Variants in PRELID2 observed in about 807,000 individuals in gnomAD.
The protein encoded by PRELID2 is PRELI domain containing 2, also known as PRELI domain-containing protein 2.
In PRELID2, 25 loss-of-function variants were observed where a neutral mutation model predicts 28.4. That is an observed-to-expected ratio of 0.88 (90% CI 0.64 to 1.23). The LOEUF (loss-of-function observed/expected upper bound fraction) is 1.23. Ranked by LOEUF, PRELID2 falls within the 50% of genes most tolerant of loss-of-function variation. PRELID2 has a pLI of 0.00. For synonymous variants in PRELID2, 76 were observed against 71.6 expected, an observed-to-expected ratio of 1.06 and a Z score of -0.31; for missense variants, 201 against 214.4, an observed-to-expected ratio of 0.94 and a Z score of 0.39.
At chr5:145,237,689 A>G in the PRELID2 span, among the ~76,000 whole-genome samples, 2 of 151,940 alleles carry the variant, frequency 1.3e-5, no homozygotes, top group Non-Finnish European at 2.9e-5. Context: ...ATTCCCTCTC[A>G]CAGGACTCTC....
the PRELID2 span, among the ~76,000 whole-genome samples, chr5:145,438,652 A>G: frequency 6.6e-6 from 1 of 152,172 alleles, no homozygotes; most frequent in African/African-American, 2.4e-5. Flanking sequence ...TAAATAGCAC[A>G]AACTTTTCTG....
the PRELID2 span, among the ~76,000 whole-genome samples, chr5:145,251,710 G>T: frequency 6.6e-6 from 1 of 152,030 alleles, no homozygotes; most frequent in South Asian, 2.1e-4. Flanking sequence ...TCCTAGTTTT[G>T]GTTATGGACA....
At chr5:145,566,238 A>C (rs747803440) in intron 1 of PRELID2, among the ~76,000 whole-genome samples, 11 of 152,248 alleles carry the variant, frequency 7.2e-5, no homozygotes, top group Non-Finnish European at 1.0e-4. Context: ...GATACAGAGG[A>C]CTGTATAACT....
chr5:145,808,094 G>A (rs1469755041), intron 4 of PRELID2, among the ~76,000 whole-genome samples: 2 of 152,062 alleles, frequency 1.3e-5, no homozygotes, highest in Non-Finnish European at 2.9e-5. Context: ...TTATCCACTG[G>A]TGCACTGGAA....
At chr5:145,825,225 C>CAAAAAAAAAAAAAAAA (rs56818178) in intron 1 of PRELID2, among the ~76,000 whole-genome samples, 1 of 60,428 alleles carries the variant, frequency 1.7e-5, no homozygotes, top group African/African-American at 5.4e-5. Context: ...GACTCTGTCT[C>CAAAAAAAAAAAAAAAA]AAAAAAAAAA....
chr5:145,361,755 C>T, the PRELID2 span, among the ~76,000 whole-genome samples: 4 of 152,190 alleles, frequency 2.6e-5, no homozygotes, highest in Non-Finnish European at 5.9e-5. Flanking sequence ...CTGAACCACA[C>T]CTAGCCTTCT....
the PRELID2 span, among the ~76,000 whole-genome samples, chr5:145,357,009 C>A: frequency 6.6e-6 from 1 of 152,208 alleles, no homozygotes; most frequent in African/African-American, 2.4e-5. Context: ...TTTAGTTTGG[C>A]TGTATATAAA....
At chr5:145,811,809 C>A (rs1753963045) in intron 4 of PRELID2, among the ~76,000 whole-genome samples, 2 of 152,180 alleles carry the variant, frequency 1.3e-5, no homozygotes, top group Admixed American at 1.3e-4. Context: ...GAGGCCTGAT[C>A]ACTGGTACAG....
intron 1 of PRELID2, among the ~76,000 whole-genome samples, chr5:145,723,187 C>T (rs181778070): frequency 3.0e-4 from 46 of 152,126 alleles, no homozygotes; most frequent in African/African-American, 1.1e-3. Flanking sequence ...GAAAATAATA[C>T]ATAATGACCA....
chr5:145,416,358 C>T, the PRELID2 span, among the ~76,000 whole-genome samples: 1 of 151,948 alleles, frequency 6.6e-6, no homozygotes, highest in Non-Finnish European at 1.5e-5. Flanking sequence ...TAGGCACGGG[C>T]AAGGACTTCA....
In PRELID2 at chr5:145,725,069, CTGTT is replaced by C. The variant is rs1756107408; in HGVS notation, n.70+39858_70+39861del. On this transcript the variant is annotated intron_variant and non_coding_transcript_variant, in intron 1 of 2. Coordinates refer to the PRELID2 transcript ENST00000510259. ...ACAAATACTTTTTAAATGTGGATCT[CTGTT>C]TGACAATAATATGAACAAAGTAAAG... is the stretch of plus-strand genomic sequence containing the variant. Among the ~76,000 whole-genome samples, 2 of 151,996 alleles carry C rather than the reference CTGTT, an allele frequency of 1.3e-5. 1 individual carries two copies. Among genetic ancestry groups the C allele is most frequent in the South Asian group, 4.1e-4 (2 of 4,832 alleles).
At chr5:145,778,236 C>G (rs1758540796) in intron 5 of PRELID2, among the ~76,000 whole-genome samples, 1 of 152,002 alleles carries the variant, frequency 6.6e-6, no homozygotes. Context: ...GCTGACAGCT[C>G]TAGAAATAGG....
the PRELID2 span, among the ~76,000 whole-genome samples, chr5:145,240,175 C>T: frequency 6.6e-6 from 1 of 152,006 alleles, no homozygotes; most frequent in African/African-American, 2.4e-5. Flanking sequence ...GGGTACATCT[C>T]ACTGGCACTC....
rs1457565694 is a variant in PRELID2 at position 145,835,167 on chromosome 5, G to A, written c.75+10C>T. Reference sequence around the variant, plus strand: ...AGCGCGGGATACGGAAGGTGGAAGCGGGGCGGTACCTTTCGGAGAAAGCTG... The same window carrying A: ...AGCGCGGGATACGGAAGGTGGAAGCAGGGCGGTACCTTTCGGAGAAAGCTG... On this transcript the variant is annotated intron_variant, in intron 1 of 6. Transcript: ENST00000683046. The A allele has an allele frequency of 3.9e-6, 6 of 1,541,178 alleles. No individual in the cohort carries two copies. Among genetic ancestry groups the A allele is most frequent in the South Asian group, 1.2e-5 (1 of 83,536 alleles).
the PRELID2 span, among the ~76,000 whole-genome samples, chr5:145,390,927 T>C: frequency 4.6e-3 from 707 of 152,244 alleles, 5 homozygotes; most frequent in African/African-American, 0.015. Context: ...CAAAATCCAA[T>C]AGGGCAGCCT....
chr5:145,327,666 A>AGTT, the PRELID2 span, among the ~76,000 whole-genome samples: 1 of 151,804 alleles, frequency 6.6e-6, no homozygotes, highest in South Asian at 2.1e-4. Context: ...ATTGTTTTAT[A>AGTT]GTTCTTTTCT....
rs559102208 is a variant in PRELID2, at chr5:145,516,623, G to A, written n.71-43308C>T. On this transcript the variant is annotated intron_variant and non_coding_transcript_variant, in intron 1 of 2. Transcript: ENST00000510259. ...AGCTACCATTGACTTTCTTTACAGA[G>A]TAGAAAAAAACTACTTTAAATTTCA... 7.2e-5 allele frequency among the ~76,000 whole-genome samples: 11 copies of A among 152,028 alleles called. No individual in the cohort carries two copies. In the East Asian group the frequency reaches 1.9e-3, roughly 27 times the overall value.
the PRELID2 span, among the ~76,000 whole-genome samples, chr5:145,398,096 G>C: frequency 6.6e-6 from 1 of 152,124 alleles, no homozygotes; most frequent in Non-Finnish European, 1.5e-5. Context: ...GCAGGGACCA[G>C]AATCAGGCAA....
chr5:145,270,369 T>C, the PRELID2 span, among the ~76,000 whole-genome samples: 1 of 152,140 alleles, frequency 6.6e-6, no homozygotes, highest in Admixed American at 6.6e-5. Flanking sequence ...TTGTCCCATA[T>C]TCATACAATG....
Sources: gnomAD v4.1 joint callset for allele counts (sites outside exome capture counted in the v4.1 genomes callset) on GRCh38, gnomAD v4.1.1 for gene constraint, MANE v1.5 for transcripts, NCBI Gene and HGNC (gene_info 2026-07-23, HGNC 2026-07-21) for gene names.